The following LARP4B variants were observed in gnomAD, a reference collection of about 807,000 sequenced individuals.
LARP4B encodes the protein La ribonucleoprotein 4B.
Under a neutral mutation model 89.8 loss-of-function variants are expected in LARP4B, and 12 were observed. The observed-to-expected ratio is 0.13, with a 90% CI of 0.09 to 0.22. The LOEUF is 0.22. Ranked by LOEUF, LARP4B falls within the 10% of genes least tolerant of loss-of-function variation. LARP4B has a pLI of 1.00. For synonymous variants in LARP4B, 367 were observed against 363.3 expected (o/e 1.01, Z -0.12); for missense variants, 757 against 947.7 (o/e 0.80, Z 2.64).
At chr10:873,086 A>G (rs878998592) in intron 3 of LARP4B, 1 of 985,374 alleles carries the variant, frequency 1.0e-6, no homozygotes, top group African/African-American at 1.7e-5. Context: ...TTTTTGTAAC[A>G]GGCCAGTTTT....
chr10:815,193 G>T, intron 15 of LARP4B, 123 bp from the exon 16 acceptor site: 1 of 1,180,228 alleles, frequency 8.5e-7, no homozygotes, highest in Non-Finnish European at 1.1e-6. Flanking sequence ...AGGGGAAGAG[G>T]GTCTTCTCCA....
At chr10:896,205 T>A (rs1362569907) in intron 1 of LARP4B, among the ~76,000 whole-genome samples, 1 of 152,206 alleles carries the variant, frequency 6.6e-6, no homozygotes, top group Non-Finnish European at 1.5e-5. Context: ...TAGTCCAGAG[T>A]CCCAGAAACA....
At chr10:983,364 C>T in the LARP4B span, among the ~76,000 whole-genome samples, 36 of 152,200 alleles carry the variant, frequency 2.4e-4, no homozygotes, top group Non-Finnish European at 4.9e-4. Context: ...GAACAGAGGC[C>T]CCTGCTGACC....
the LARP4B span, among the ~76,000 whole-genome samples, chr10:940,504 G>A: frequency 3.3e-5 from 5 of 152,360 alleles, no homozygotes; most frequent in African/African-American, 7.2e-5. Flanking sequence ...AGCCAGGCTC[G>A]TCTTGGGCCA....
chr10:867,564 A>G (rs554682114), intron 3 of LARP4B, among the ~76,000 whole-genome samples: 37 of 152,324 alleles, frequency 2.4e-4, no homozygotes, highest in Admixed American at 7.8e-4. Flanking sequence ...AATGGTTATC[A>G]AGAACTCCAG....
Position 811,199 on chromosome 10 carries a change from A to G in LARP4B, c.*1727T>C, listed in dbSNP as rs1469497501. The stretch of plus-strand genomic sequence containing the variant: ...ATGTAAGAGAAAAAAGAAAATCTCA[A>G]CAAATCAAAATAATATTCAAACCAC... On this transcript the variant is annotated 3_prime_UTR_variant, in exon 18 of 18. Transcript: ENST00000316157. 1.3e-5 allele frequency: 2 copies of G among 152,660 alleles called. No individual in the cohort carries two copies. The highest frequency in any genetic ancestry group is 6.5e-5 in the Admixed American group (1 of 15,286). The allele number at this position is 152,660 out of a possible 1,614,324, so 9.5% of individuals were successfully genotyped here.
chr10:929,540 G>A (rs184574179), intron 1 of LARP4B, among the ~76,000 whole-genome samples: 30 of 152,274 alleles, frequency 2.0e-4, no homozygotes, highest in Middle Eastern at 3.4e-3. Flanking sequence ...GGAGGTTGTA[G>A]TGAGTTGAGA....
At chr10:892,187 G>C (rs1398941212) in intron 1 of LARP4B, among the ~76,000 whole-genome samples, 2 of 152,212 alleles carry the variant, frequency 1.3e-5, no homozygotes, top group African/African-American at 4.8e-5. Flanking sequence ...TACTGAATTG[G>C]ACAGGAGGAT....
the LARP4B span, among the ~76,000 whole-genome samples, chr10:938,505 G>A: frequency 6.6e-6 from 1 of 150,972 alleles, no homozygotes; most frequent in Non-Finnish European, 1.5e-5. Context: ...CGCCCGCCTC[G>A]GCCTCCCAAA....
rs780392696 is a variant in LARP4B, at chr10:814,782, G to A, written c.1889C>T (p.Ala630Val). 3.5e-5 allele frequency: 56 copies of A among 1,604,314 alleles called. No individual in the cohort carries two copies. The highest frequency in any genetic ancestry group is 8.9e-5 in the South Asian group (8 of 89,820). The change falls in exon 17 of 18, where the codon GCG becomes GTG. Residue 630 changes from alanine (A) to valine (V), a missense_variant. Transcript: ENST00000316157. This position sits in a 1 kb window ranked among gnomAD's most constrained non-coding sequence, Gnocchi z 4.4. ...CACCTGCACCGATTTACACGCGGTC[G>A]CAGTGAGGGCGGAAGGAAGTCTGTC... Reference protein sequence around the residue: ...SVDRLPSALTATACKSVQVNG... With the variant: ...SVDRLPSALTVTACKSVQVNG...
intron 8 of LARP4B, among the ~76,000 whole-genome samples, chr10:833,273 A>AAAAAC (rs1833013080): frequency 6.9e-6 from 1 of 144,628 alleles, no homozygotes; most frequent in Non-Finnish European, 1.6e-5. Flanking sequence ...AAAAAAAAAA[A>AAAAAC]AAAAAAAAAA....
chr10:913,089 G>A (rs1162132644), intron 1 of LARP4B, among the ~76,000 whole-genome samples: 1 of 152,104 alleles, frequency 6.6e-6, no homozygotes, highest in Non-Finnish European at 1.5e-5. Flanking sequence ...ACAAATAATA[G>A]TGTTTAGATC....
chr10:887,733 C>G (rs1835901917), intron 1 of LARP4B, among the ~76,000 whole-genome samples: 1 of 146,636 alleles, frequency 6.8e-6, no homozygotes, highest in African/African-American at 2.5e-5. Flanking sequence ...TACAAAATAA[C>G]AGAAAACTGG....
intron 1 of LARP4B, among the ~76,000 whole-genome samples, chr10:909,559 T>C (rs1836609404): frequency 1.3e-5 from 2 of 151,960 alleles, no homozygotes; most frequent in African/African-American, 2.4e-5. Flanking sequence ...CCAAGGCAGG[T>C]GGATCACCTG....
At chr10:855,379 T>C (rs547521119) in intron 5 of LARP4B, among the ~76,000 whole-genome samples, 1 of 152,246 alleles carries the variant, frequency 6.6e-6, no homozygotes, top group African/African-American at 2.4e-5. Flanking sequence ...GTGAGATAAG[T>C]AAAACTCTTC....
chr10:926,598 A>C (rs1837140738), intron 1 of LARP4B, among the ~76,000 whole-genome samples: 1 of 152,242 alleles, frequency 6.6e-6, no homozygotes, highest in Admixed American at 6.5e-5. Context: ...AGTGCGACTA[A>C]AATGATTTGT....
the LARP4B span, among the ~76,000 whole-genome samples, chr10:943,662 G>A: frequency 1.6e-4 from 24 of 152,186 alleles, no homozygotes; most frequent in Non-Finnish European, 7.3e-5. Flanking sequence ...GTGATTGGGT[G>A]AGCTAAGACT....
intron 1 of LARP4B, among the ~76,000 whole-genome samples, chr10:901,121 A>G (rs985395483): frequency 2.4e-5 from 2 of 84,708 alleles, no homozygotes; most frequent in African/African-American, 9.7e-5. Context: ...AGGTTTCACC[A>G]TGTTGGCCTG....
intron 15 of LARP4B, 116 bp downstream of exon 15, chr10:817,609 C>T (rs1588846785): frequency 9.4e-7 from 1 of 1,060,336 alleles, no homozygotes; most frequent in East Asian, 2.4e-5. Flanking sequence ...ACGTGGCCTC[C>T]AAGCCTCTCT....
Sources: gnomAD v4.1 joint callset for allele counts (sites outside exome capture counted in the v4.1 genomes callset) on GRCh38, gnomAD v4.1.1 for gene constraint, Gnocchi (gnomAD v3.1) non-coding constraint, MANE v1.5 for transcripts, NCBI Gene and HGNC (gene_info 2026-07-23, HGNC 2026-07-21) for gene names.